The following OR7G2 variants were observed in gnomAD, a reference collection of about 807,000 sequenced individuals.
The protein encoded by OR7G2 is olfactory receptor family 7 subfamily G member 2.
For missense variants in OR7G2, 362 were observed against 384.0 expected, an observed-to-expected ratio of 0.94 and a Z score of 0.48; for synonymous variants, 153 against 152.2, an observed-to-expected ratio of 1.01 and a Z score of -0.04.
rs760062102 is a variant in OR7G2, at chr19:9,102,249, A to C, written c.*20T>G. 1.3e-6 allele frequency: 2 copies of C among 1,568,408 alleles called. No homozygotes were observed. The highest frequency in any genetic ancestry group is 1.7e-6 in the Non-Finnish European group (2 of 1,159,010). On this transcript the variant is annotated 3_prime_UTR_variant, in exon 2 of 2. Transcript: ENST00000641081. The stretch of plus-strand genomic sequence containing the variant: ...AAAGAGTCAGGCATTCTAGCTCACC[A>C]GGAATCCTGTCACTTTGACTTACTC...
chr19:9,107,026 A>C (rs1568300235), intron 1 of OR7G2, among the ~76,000 whole-genome samples: 1 of 148,040 alleles, frequency 6.8e-6, no homozygotes, highest in Non-Finnish European at 1.5e-5. Flanking sequence ...ACGTAGTGAG[A>C]ACCTGTGTCT....
rs1441018197 is a variant in OR7G2, at chr19:9,102,269, T to C, written c.975A>G (p.Ter325=). The C allele has an allele frequency of 1.9e-6, 3 of 1,584,454 alleles. No homozygotes were observed. The highest frequency in any genetic ancestry group is 3.4e-4 in the Middle Eastern group (2 of 5,902). ...AICFGFRFLE[*] is the part of the protein sequence containing the mutation. The stretch of plus-strand genomic sequence containing the variant: ...TCACCAGGAATCCTGTCACTTTGAC[T>C]TACTCTAGAAACCTGAATCCAAAGC... Residue 325 remains the stop codon, a stop_retained_variant, in exon 2 of 2, where the codon TAA becomes TAG. Transcript: ENST00000641081.
Position 9,102,550 on chromosome 19 carries a change from T to C in OR7G2, c.694A>G (p.Ser232Gly). Residue 232 changes from serine (S) to glycine (G), a missense_variant, in exon 2 of 2, where the codon AGT (serine) becomes GGT (glycine). Coordinates refer to ENST00000641081, the MANE Select transcript of OR7G2 (RefSeq NM_001005193.2). ...TSCVLRMPSA[S>G]GKHKAVSTCG... ...GTGGAAACTGCTTTGTGCTTTCCAC[T>C]TGCTGATGGCATTCTCAAAACACAG... 6.2e-7 allele frequency: 1 copy of C among 1,614,178 alleles called. No homozygotes were observed. Among genetic ancestry groups the C allele is most frequent in the Non-Finnish European group, 8.5e-7 (1 of 1,180,030 alleles).
chr19:9,106,980 G>A (rs1458071883), intron 1 of OR7G2, among the ~76,000 whole-genome samples: 2 of 152,154 alleles, frequency 1.3e-5, no homozygotes, highest in East Asian at 3.9e-4. Context: ...TGAGGCGGGA[G>A]TACAAGAGGC....
At chr19:9,107,157 C>A (rs1418962174) in intron 1 of OR7G2, among the ~76,000 whole-genome samples, 157 bp downstream of exon 1, 1 of 152,090 alleles carries the variant, frequency 6.6e-6, no homozygotes, top group East Asian at 1.9e-4. Flanking sequence ...GAGCTATGAT[C>A]GAGTCACCAC....
intron 1 of OR7G2, among the ~76,000 whole-genome samples, chr19:9,103,470 TGGA>T (rs1279752474): frequency 6.6e-6 from 1 of 151,518 alleles, no homozygotes; most frequent in African/African-American, 2.4e-5. Context: ...TACTTAGGAA[TGGA>T]GTTTTCTTAA....
chr19:9,102,306 C>G lies in OR7G2; in HGVS notation c.938G>C (p.Trp313Ser), dbSNP rs746786822. 2.5e-6 allele frequency: 4 copies of G among 1,612,744 alleles called. No individual in the cohort carries two copies. In the South Asian group the frequency reaches 3.3e-5, roughly 13 times the overall value. ...CCTGAATCCAAAGCAAATGGCACAC[C>G]ACAGAAGAGAAGGTATCCTCCCTAT... ...KFIGRIPSLLWCAICFGFRFL... is the reference protein window; with the variant it reads ...KFIGRIPSLLSCAICFGFRFL... The change falls in exon 2 of 2, where the codon TGG (tryptophan) becomes TCG (serine). Residue 313 changes from tryptophan (W) to serine (S), a missense_variant. Transcript: ENST00000641081.
intron 1 of OR7G2, among the ~76,000 whole-genome samples, chr19:9,103,683 G>A (rs1237336041): frequency 6.8e-6 from 1 of 147,666 alleles, no homozygotes; most frequent in African/African-American, 2.5e-5. Context: ...TTTTGTGTGT[G>A]TGTGTGTGTG....
At position 9,106,323 on chromosome 19, in the gene OR7G2, G is replaced by A. The variant is rs183871349; in HGVS notation, c.-17+991C>T. ...GCCTGTAACCCCAGCTACTTGGGAGGCTGAGGCAGGAGAATCGCTTGCACC... is the reference window on the plus strand; with the variant it reads ...GCCTGTAACCCCAGCTACTTGGGAGACTGAGGCAGGAGAATCGCTTGCACC... On this transcript the variant is annotated intron_variant, in intron 1 of 1. Transcript: ENST00000641081. Among the ~76,000 whole-genome samples, 358 of 151,990 alleles carry A rather than the reference G, an allele frequency of 2.4e-3. 4 individuals carry two copies. Among genetic ancestry groups the A allele is most frequent in the African/African-American group, 8.4e-3 (349 of 41,424 alleles).
chr19:9,102,678 CA>C lies in OR7G2; in HGVS notation c.565del (p.Cys189ValfsTer10). 1 of 1,614,138 alleles carries C rather than the reference CA, an allele frequency of 6.2e-7. No homozygotes were observed. ...CELAQVIQLT[C>X]SDTLINNILI... is the part of the protein sequence containing the mutation. The stretch of plus-strand genomic sequence containing the variant: ...GATGTTATTGATGAGGGTGTCTGAA[CA>C]GGTGAGTTGGATGACCTGAGCCAGT... On this transcript the variant is annotated frameshift_variant, in exon 2 of 2. Coordinates refer to ENST00000641081, the MANE Select transcript of OR7G2 (RefSeq NM_001005193.2). LOFTEE classifies it low-confidence loss of function (END_TRUNC).
At chr19:9,107,047 T>A (rs1321071669) in intron 1 of OR7G2, among the ~76,000 whole-genome samples, 1 of 148,658 alleles carries the variant, frequency 6.7e-6, no homozygotes, top group Non-Finnish European at 1.5e-5. Flanking sequence ...ACAAAAAAAA[T>A]TTAAAAATTT....
Position 9,102,373 on chromosome 19 carries a change from T to A in OR7G2, c.871A>T (p.Ser291Cys). The A allele has an allele frequency of 3.1e-6, 5 of 1,613,844 alleles. No homozygotes were observed. Among genetic ancestry groups the A allele is most frequent in the Non-Finnish European group, 4.2e-6 (5 of 1,179,756 alleles). ...FPQMVNPFIY[S>C]LRNKDMKGTL... ...CCTTTCATGTCCTTATTCCTCAGAC[T>A]ATAGATAAAGGGGTTCACCATTTGA... The change falls in exon 2 of 2, where the codon AGT becomes TGT. Residue 291 changes from serine (S) to cysteine (C), a missense_variant. Ser to Cys is a moderately radical substitution (Grantham distance 112, BLOSUM62 -1). Coordinates refer to ENST00000641081, the MANE Select transcript of OR7G2 (RefSeq NM_001005193.2).
Position 9,102,800 on chromosome 19 carries a change from A to G in OR7G2, c.444T>C (p.Ser148=). Residue 148 remains serine (S), a synonymous_variant, in exon 2 of 2, where the codon TCT becomes TCC. Coordinates refer to ENST00000641081, the MANE Select transcript of OR7G2 (RefSeq NM_001005193.2). ...PRLCGLLILL[S]LLTSVVNALL... ...GGGCATTCACAACACTAGTCAACAGAGAGAGAAGAATCAGCAGGCCACAGA... is the reference window on the plus strand; with the variant it reads ...GGGCATTCACAACACTAGTCAACAGGGAGAGAAGAATCAGCAGGCCACAGA... 6.2e-7 allele frequency: 1 copy of G among 1,613,914 alleles called. No homozygotes were observed. The highest frequency in any genetic ancestry group is 8.5e-7 in the Non-Finnish European group (1 of 1,179,858).
Position 9,100,950 on chromosome 19 carries a change from C to A in OR7G2, c.*1319G>T, listed in dbSNP as rs2050350835. On this transcript the variant is annotated 3_prime_UTR_variant, in exon 2 of 2. Transcript: ENST00000641081. ...ACCTAGGTTTTGAGACCAACCTGGG[C>A]AACATAGCCAGAGTCCATCTCTACA... 6.6e-6 allele frequency: 1 copy of A among 152,054 alleles called. No homozygotes were observed. Among genetic ancestry groups the A allele is most frequent in the Non-Finnish European group, 1.5e-5 (1 of 68,054 alleles). 9.4% of individuals were successfully genotyped at this position (152,054 alleles called of 1,614,324 possible).
rs757604190 is a variant in OR7G2 at position 9,103,118 on chromosome 19, G to C, written c.126C>G (p.Asn42Lys). The C allele has an allele frequency of 1.2e-6, 2 of 1,614,114 alleles. No individual in the cohort carries two copies. The highest frequency in any genetic ancestry group is 1.7e-6 in the Non-Finnish European group (2 of 1,180,026). ...AGATGACAGCCAAGAGGATGAGCAG[G>C]TTCCCCAGGATGGTGACCAAGTACA... ...LSMYLVTILG[N>K]LLILLAVISD... The change falls in exon 2 of 2, where the codon AAC (asparagine) becomes AAG (lysine). Residue 42 changes from asparagine (N) to lysine (K), a missense_variant. Asn to Lys is a moderately conservative substitution (Grantham distance 94). Transcript: ENST00000641081.
At chr19:9,104,380 C>T (rs2050374223) in intron 1 of OR7G2, among the ~76,000 whole-genome samples, 1 of 152,110 alleles carries the variant, frequency 6.6e-6, no homozygotes, top group Non-Finnish European at 1.5e-5. Context: ...ACCTATTTGT[C>T]ATCTTTCACA....
rs201971532 is a variant in OR7G2 at position 9,103,501 on chromosome 19, CTTTTTTTT to C, written c.-16-250_-16-243del. 6.5e-3 allele frequency among the ~76,000 whole-genome samples: 775 copies of C among 119,076 alleles called. 3 individuals are homozygous for C. Among genetic ancestry groups the C allele is most frequent in the Admixed American group, 8.8e-3 (100 of 11,390 alleles). The allele number at this position is 119,076 out of a possible 152,430, so 78.1% of individuals were successfully genotyped here. A position where few individuals can be genotyped will look rare whatever the true frequency, so the allele number is the denominator to read the frequency against. ...TTTCTTAATCAAAAAATGTGGAAAT[CTTTTTTTT>C]TTTTTTTTTTTTTTTGAGACAGGGT... On this transcript the variant is annotated intron_variant, in intron 1 of 1. Transcript: ENST00000641081.
intron 1 of OR7G2, among the ~76,000 whole-genome samples, chr19:9,105,640 A>G (rs1311834058): frequency 6.6e-6 from 1 of 152,084 alleles, no homozygotes; most frequent in Non-Finnish European, 1.5e-5. Context: ...TGAGGTCAGG[A>G]GTTCGAGACC....
intron 1 of OR7G2, among the ~76,000 whole-genome samples, chr19:9,103,866 G>GTT (rs74176681): frequency 2.2e-4 from 22 of 101,088 alleles, no homozygotes; most frequent in Non-Finnish European, 2.9e-4. Flanking sequence ...ATGTGGAAAT[G>GTT]TTTTTTTTTT....
Sources: allele counts gnomAD v4.1 joint callset (sites outside exome capture counted in the v4.1 genomes callset), GRCh38; gene constraint gnomAD v4.1.1; transcripts MANE v1.5; gene names NCBI Gene and HGNC (gene_info 2026-07-23, HGNC 2026-07-21).